NCKAP1: variants seen among roughly 807,000 people sequenced by gnomAD.
NCKAP1 encodes the protein NCK associated protein 1, also known as nck-associated protein 1.
In NCKAP1, 21 loss-of-function variants were observed where a neutral mutation model predicts 151.2. That is an observed-to-expected ratio of 0.14 (90% confidence interval 0.10 to 0.20). NCKAP1 has a LOEUF of 0.20. Ranked by LOEUF, NCKAP1 falls within the 10% of genes least tolerant of loss-of-function variation. The pLI is 1.00. For missense variants in NCKAP1, 933 were observed against 1,352.1 expected (o/e 0.69, Z 4.86); for synonymous variants, 484 against 451.8 (o/e 1.07, Z -0.90).
Position 183,019,502 on chromosome 2 carries a change from G to A in NCKAP1, c.219+4304C>T, listed in dbSNP as rs563693527. ...GAGTTTCTACTATTTTCTTCATCCA[G>A]GAAAATAACAGATTCCCCTCCAGGT... is the stretch of plus-strand genomic sequence containing the variant. On this transcript the variant is annotated intron_variant, in intron 2 of 30. Coordinates refer to ENST00000361354, the MANE Select transcript of NCKAP1 (RefSeq NM_013436.5). Among the ~76,000 whole-genome samples the A allele has an allele frequency of 3.3e-5, 5 of 152,194 alleles. No individual in the cohort carries two copies. In the East Asian group the frequency reaches 7.7e-4, roughly 24 times the overall value.
In NCKAP1 at chr2:183,024,378, A is replaced by G. The variant is rs1053567723; in HGVS notation, c.109-462T>C. On this transcript the variant is annotated intron_variant, in intron 1 of 30. Coordinates refer to ENST00000361354, the MANE Select transcript of NCKAP1 (RefSeq NM_013436.5). ...TTAAACATTTTAATACAAGAGCCCTAGTTCAAAAGAACTGGAAGCTGCTAA... is the reference window on the plus strand; with the variant it reads ...TTAAACATTTTAATACAAGAGCCCTGGTTCAAAAGAACTGGAAGCTGCTAA... Among the ~76,000 whole-genome samples the G allele has an allele frequency of 1.3e-5, 2 of 152,186 alleles. 1 individual carries two copies. Among genetic ancestry groups the G allele is most frequent in the African/African-American group, 4.8e-5 (2 of 41,462 alleles).
intron 6 of NCKAP1, among the ~76,000 whole-genome samples, chr2:182,998,808 G>A (rs957377556): frequency 3.3e-5 from 4 of 121,646 alleles, no homozygotes; most frequent in Non-Finnish European, 6.3e-5. Context: ...CTGCACTCCA[G>A]CCTGGGTGAC....
rs528342083 is a variant in NCKAP1 at position 182,982,438 on chromosome 2, T to C, written c.1208+383A>G. Among the ~76,000 whole-genome samples the C allele has an allele frequency of 4.7e-5, 7 of 149,984 alleles. No individual in the cohort carries two copies. In the South Asian group the frequency reaches 1.5e-3, roughly 31 times the overall value. ...GATGTACTATCTTTCTAATTTACAA[T>C]GGTGCAGAAGAGATACACATTTAGT... On this transcript the variant is annotated intron_variant, in intron 12 of 30. Transcript: ENST00000361354.
chr2:182,953,303 G>T lies in NCKAP1; in HGVS notation c.2182C>A (p.Gln728Lys). ...KSIVGMTMYN[Q>K]ATQEIAKPSE... Reference sequence around the variant, plus strand: ...GGTTTTGCAATTTCCTGTGTGGCTTGATTATACATAGTCATCCCAACAATT... The same window carrying T: ...GGTTTTGCAATTTCCTGTGTGGCTTTATTATACATAGTCATCCCAACAATT... The change falls in exon 21 of 31, where the codon CAA (glutamine) becomes AAA (lysine). Residue 728 changes from glutamine to lysine, a missense_variant. Transcript: ENST00000361354. 6.2e-7 allele frequency: 1 copy of T among 1,612,986 alleles called. No individual in the cohort carries two copies. The highest frequency in any genetic ancestry group is 1.1e-5 in the South Asian group (1 of 91,004).
rs1337168532 is a variant in NCKAP1 at position 182,922,537 on chromosome 2, C to T, written c.*3165G>A. The T allele has an allele frequency of 6.6e-6, 1 of 152,260 alleles. No individual in the cohort carries two copies. Among genetic ancestry groups the T allele is most frequent in the East Asian group, 1.9e-4 (1 of 5,206 alleles). The allele number at this position is 152,260 out of a possible 1,614,324, so 9.4% of individuals were successfully genotyped here. A position where few individuals can be genotyped will look rare whatever the true frequency, so the allele number is the denominator to read the frequency against. On this transcript the variant is annotated 3_prime_UTR_variant, in exon 31 of 31. Coordinates refer to ENST00000361354, the MANE Select transcript of NCKAP1 (RefSeq NM_013436.5). ...CTCAAACATGCCAAGTTTGTGCTTG[C>T]CTTCTGGGTCTTTGCCTTTATTATT...
chr2:182,924,569 T>C lies in NCKAP1; in HGVS notation c.*1133A>G, dbSNP rs1264021198. 6.6e-6 allele frequency: 1 copy of C among 151,032 alleles called. No homozygotes were observed. Among genetic ancestry groups the C allele is most frequent in the East Asian group, 1.9e-4 (1 of 5,196 alleles). 9.4% of individuals were successfully genotyped at this position (151,032 alleles called of 1,614,324 possible). On this transcript the variant is annotated 3_prime_UTR_variant, in exon 31 of 31. Coordinates refer to ENST00000361354, the MANE Select transcript of NCKAP1 (RefSeq NM_013436.5). Reference sequence around the variant, plus strand: ...CTCAACATTCTCACTAGTCCCATGATCACTCAATTTTTTTTCCCTATTCTT... The same window carrying C: ...CTCAACATTCTCACTAGTCCCATGACCACTCAATTTTTTTTCCCTATTCTT...
rs760754048 is a variant in NCKAP1 at position 182,926,771 on chromosome 2, G to GA, written c.3270+44dup. ...ATGCCAAGAAAAGATTCTCAGGAAC[G>GA]ACTGGAACTTTTTTATTGTTAGTAA... On this transcript the variant is annotated intron_variant, in intron 30 of 30. Transcript: ENST00000361354. The GA allele has an allele frequency of 2.3e-6, 3 of 1,304,164 alleles. No homozygotes were observed. The South Asian group carries it at 3.9e-5, about 17-fold the overall frequency. The allele number at this position is 1,304,164 out of a possible 1,614,324, so 80.8% of individuals were successfully genotyped here. A position where few individuals can be genotyped will look rare whatever the true frequency, so the allele number is the denominator to read the frequency against.
At chr2:183,028,434 G>A (rs1174427112) in intron 1 of NCKAP1, among the ~76,000 whole-genome samples, 1 of 151,952 alleles carries the variant, frequency 6.6e-6, no homozygotes, top group African/African-American at 2.4e-5. Flanking sequence ...TATTCTCCAT[G>A]AATATTCTAA....
At chr2:182,971,117 G>A (rs932673184) in intron 15 of NCKAP1, among the ~76,000 whole-genome samples, 32 of 152,064 alleles carry the variant, frequency 2.1e-4, no homozygotes, top group African/African-American at 7.0e-4. Context: ...GATATCGGCC[G>A]GGCGCGGTGG....
chr2:182,967,384 A>G (rs1697593257), intron 15 of NCKAP1, 23 bp from the exon 16 acceptor site: 22 of 1,559,362 alleles, frequency 1.4e-5, no homozygotes, highest in Non-Finnish European at 1.7e-5. Context: ...AAAAAAAAAA[A>G]GTAGTTCAGG....
chr2:182,995,972 T>C (rs1698260675), intron 6 of NCKAP1, 134 bp from the exon 7 acceptor site: 1 of 779,784 alleles, frequency 1.3e-6, no homozygotes, highest in Non-Finnish European at 2.0e-6. Context: ...ATGCTCCTTA[T>C]AATATCTGAG....
At chr2:183,003,399 T>C (rs1698409132) in intron 2 of NCKAP1, 74 bp from the exon 3 acceptor site, 2 of 890,844 alleles carry the variant, frequency 2.2e-6, no homozygotes, top group African/African-American at 1.7e-5. Flanking sequence ...CTATCTTCTT[T>C]TATGACTGCT....
Position 183,037,854 on chromosome 2 carries a change from C to T in NCKAP1, c.108+138G>A, listed in dbSNP as rs1699134253. 3 of 627,672 alleles carry T rather than the reference C, an allele frequency of 4.8e-6. No homozygotes were observed. The Admixed American group carries it at 1.3e-4, about 27-fold the overall frequency. The allele number at this position is 627,672 out of a possible 1,614,324, so 38.9% of individuals were successfully genotyped here. On this transcript the variant is annotated intron_variant, in intron 1 of 30. Transcript: ENST00000361354. ...TTAGGCCGCGGCGCATCCAGGCGAC[C>T]CCGGGCCGGGCCTCGGGCGGCGACG...
chr2:182,942,154 C>T lies in NCKAP1; in HGVS notation c.2611G>A (p.Val871Met), dbSNP rs761389336. 8.1e-6 allele frequency: 13 copies of T among 1,610,478 alleles called. No homozygotes were observed. Among genetic ancestry groups the T allele is most frequent in the Non-Finnish European group, 1.1e-5 (13 of 1,178,174 alleles). ...SQVAELKKLV[V>M]ENVDVLTQMR... Reference sequence around the variant, plus strand: ...TGTGTTAACACATCAACATTCTCCACCACAAGTTTCTAAAAAAAAAAGAAA... The same window carrying T: ...TGTGTTAACACATCAACATTCTCCATCACAAGTTTCTAAAAAAAAAAGAAA... Residue 871 changes from valine (V) to methionine (M), a missense_variant, in exon 24 of 31, where the codon GTG becomes ATG. This residue lies in a region of NCKAP1 where 326 missense variants were observed against 557.1 expected (regional missense o/e 0.59). Transcript: ENST00000361354.
At chr2:183,033,965 G>A (rs1190548755) in intron 1 of NCKAP1, among the ~76,000 whole-genome samples, 4 of 151,854 alleles carry the variant, frequency 2.6e-5, no homozygotes, top group African/African-American at 2.4e-5. Context: ...TTCCATAAAG[G>A]AAACAAAAGA....
At chr2:182,957,136 T>A (rs1697343975) in intron 19 of NCKAP1, 1 of 200,204 alleles carries the variant, frequency 5.0e-6, no homozygotes, top group South Asian at 1.4e-4. Flanking sequence ...GTCTCCACTA[T>A]CTAACTTTAA....
At chr2:182,983,236 TTAAAATTTTA>T in intron 11 of NCKAP1, 40 bp downstream of exon 11, 1 of 1,431,384 alleles carries the variant, frequency 7.0e-7, no homozygotes, top group South Asian at 1.3e-5. Flanking sequence ...GAAACGTTTT[TTAAAATTTTA>T]ATATGGCACA....
In NCKAP1 at chr2:183,023,899, C is replaced by T. The variant is rs1355842555; in HGVS notation, c.126G>A (p.Lys42=). The change falls in exon 2 of 31, where the codon AAG becomes AAA. Residue 42 remains lysine, a synonymous_variant. Coordinates refer to ENST00000361354, the MANE Select transcript of NCKAP1 (RefSeq NM_013436.5). ...TGTCGATAAGATAGGATGGTTTTGC[C>T]TTGGGGTCTCCACATGCCTATAAAA... is the stretch of plus-strand genomic sequence containing the variant. The part of the protein sequence containing the change: ...YNIKKACGDP[K]AKPSYLIDKN... The T allele has an allele frequency of 1.2e-6, 2 of 1,610,350 alleles. No homozygotes were observed. Among genetic ancestry groups the T allele is most frequent in the Non-Finnish European group, 1.7e-6 (2 of 1,177,848 alleles).
intron 24 of NCKAP1, among the ~76,000 whole-genome samples, chr2:182,940,535 G>A (rs1696975540): frequency 6.6e-6 from 1 of 152,110 alleles, no homozygotes; most frequent in Non-Finnish European, 1.5e-5. Context: ...CATCTCCCGG[G>A]TTCAAGCAAT....
Sources: gnomAD v4.1 joint callset for allele counts (sites outside exome capture counted in the v4.1 genomes callset) on GRCh38, gnomAD v4.1.1 for gene constraint, gnomAD v4.1.1 regional missense constraint, MANE v1.5 for transcripts, NCBI Gene and HGNC (gene_info 2026-07-23, HGNC 2026-07-21) for gene names.